Variants in LRP1B observed in about 807,000 individuals in gnomAD.
LRP1B encodes the protein LDL receptor related protein 1B.
A neutral mutation model predicts 556.6 loss-of-function variants in LRP1B; 217 were observed. The ratio of observed to expected loss-of-function variants is 0.39; its 90% CI spans 0.35 to 0.44. The LOEUF is 0.44. Ranked by LOEUF, LRP1B falls within the 20% of genes least tolerant of loss-of-function variation. LRP1B has a pLI of 1.00. For synonymous variants in LRP1B, 2,047 were observed against 1,865.8 expected (o/e 1.10, Z -2.50); for missense variants, 5,053 against 5,620.8 (o/e 0.90, Z 3.23).
intron 43 of LRP1B, among the ~76,000 whole-genome samples, chr2:140,553,422 AACACACACACAC>A (rs61540618): frequency 5.4e-5 from 8 of 148,202 alleles, no homozygotes; most frequent in African/African-American, 2.0e-4. Context: ...TTGTGCTCTT[AACACACACACAC>A]ACACACACAC....
At chr2:140,398,968 T>G (rs1043832283) in intron 66 of LRP1B, among the ~76,000 whole-genome samples, 6 of 152,094 alleles carry the variant, frequency 3.9e-5, no homozygotes, top group Non-Finnish European at 7.4e-5. Context: ...CTCCTCCAAA[T>G]CATTTTTCCA....
chr2:141,195,017 C>A (rs1681693389), intron 6 of LRP1B, among the ~76,000 whole-genome samples: 1 of 152,086 alleles, frequency 6.6e-6, no homozygotes, highest in Admixed American at 6.6e-5. Context: ...CCCACAAATT[C>A]TTTGATACTC....
At chr2:141,453,578 T>C (rs1681505711) in intron 3 of LRP1B, among the ~76,000 whole-genome samples, 1 of 152,214 alleles carries the variant, frequency 6.6e-6, no homozygotes, top group African/African-American at 2.4e-5. Flanking sequence ...TGTTATACCG[T>C]CTTATGAAAA....
chr2:140,962,090 G>T (rs2105316315), intron 18 of LRP1B, among the ~76,000 whole-genome samples: 1 of 152,290 alleles, frequency 6.6e-6, no homozygotes, highest in Admixed American at 6.5e-5. Flanking sequence ...AATAGAAATT[G>T]AATAGAGAAT....
intron 7 of LRP1B, among the ~76,000 whole-genome samples, chr2:141,148,521 G>A (rs79093451): frequency 0.051 from 7,738 of 152,184 alleles, 285 homozygotes; most frequent in South Asian, 0.11. Context: ...CAGCATGCTG[G>A]TAATCCACTT....
At chr2:141,561,361 T>C (rs1686141694) in intron 2 of LRP1B, among the ~76,000 whole-genome samples, 1 of 151,798 alleles carries the variant, frequency 6.6e-6, no homozygotes, top group Admixed American at 6.6e-5. Context: ...CAGAGAAAGG[T>C]CTGGGCCTAT....
chr2:140,771,142 C>T (rs748698368), intron 33 of LRP1B, 136 bp from the exon 34 acceptor site: 67 of 576,282 alleles, frequency 1.2e-4, no homozygotes, highest in Admixed American at 1.6e-4. Context: ...TTAAAGATTA[C>T]GCTTTATTCT....
chr2:140,720,690 T>C (rs902929164), intron 35 of LRP1B, among the ~76,000 whole-genome samples: 1 of 152,146 alleles, frequency 6.6e-6, no homozygotes, highest in Non-Finnish European at 1.5e-5. Context: ...TGTATTCTTA[T>C]GATTAATTAA....
chr2:140,568,064 A>T (rs1487543580), intron 43 of LRP1B, among the ~76,000 whole-genome samples: 1 of 152,144 alleles, frequency 6.6e-6, no homozygotes, highest in Non-Finnish European at 1.5e-5. Context: ...GACACAAGAA[A>T]CAAAAAAAAG....
chr2:141,807,769 G>T (rs1459570711), intron 2 of LRP1B, among the ~76,000 whole-genome samples: 1 of 152,048 alleles, frequency 6.6e-6, no homozygotes, highest in Non-Finnish European at 1.5e-5. Flanking sequence ...TATGGGCAGG[G>T]TGGCTATTCA....
intron 21 of LRP1B, among the ~76,000 whole-genome samples, chr2:140,910,270 T>C (rs1428597575): frequency 6.6e-6 from 1 of 151,802 alleles, no homozygotes; most frequent in Non-Finnish European, 1.5e-5. Context: ...GTATATGGAT[T>C]TTATATATGA....
chr2:140,793,394 TA>T (rs755162445), intron 32 of LRP1B, among the ~76,000 whole-genome samples: 3 of 151,966 alleles, frequency 2.0e-5, no homozygotes, highest in Non-Finnish European at 4.4e-5. Flanking sequence ...CGCAATATTT[TA>T]AAAACTACTT....
chr2:141,200,182 C>T (rs1681945290), intron 6 of LRP1B, among the ~76,000 whole-genome samples: 1 of 152,102 alleles, frequency 6.6e-6, no homozygotes. Context: ...CCTTAATGCT[C>T]ATCACTGGTA....
chr2:141,282,104 AG>A (rs2105389764), intron 3 of LRP1B, among the ~76,000 whole-genome samples: 1 of 152,202 alleles, frequency 6.6e-6, no homozygotes, highest in Admixed American at 6.5e-5. Context: ...ACCTTGAAAA[AG>A]TAACTGAACC....
intron 7 of LRP1B, among the ~76,000 whole-genome samples, chr2:141,063,632 C>CGTCT (rs55794679): frequency 0.016 from 2,456 of 151,844 alleles, 30 homozygotes; most frequent in Middle Eastern, 0.027. Flanking sequence ...TCTCCCCCTC[C>CGTCT]GTCTCTCTCT....
At chr2:140,917,017 T>G (rs1225436537) in intron 21 of LRP1B, among the ~76,000 whole-genome samples, 4 of 152,106 alleles carry the variant, frequency 2.6e-5, no homozygotes, top group African/African-American at 9.6e-5. Context: ...CTAAGTGTCC[T>G]ATTCTGGCCT....
intron 1 of LRP1B, among the ~76,000 whole-genome samples, chr2:141,891,816 C>T (rs1178794176): frequency 2.6e-5 from 4 of 152,054 alleles, no homozygotes; most frequent in South Asian, 2.1e-4. Context: ...CTCAGTGGAT[C>T]AAACGGAAAA....
Position 142,051,160 on chromosome 2 carries a change from G to T in LRP1B, c.82+79488C>A, listed in dbSNP as rs1421768368. On this transcript the variant is annotated intron_variant, in intron 1 of 90. Transcript: ENST00000389484. ...GGAGTGTGAGGCAGTAACTTCCAAA[G>T]AGTCCAAGTAGTGCCTTTCTAACAG... 2.0e-5 allele frequency among the ~76,000 whole-genome samples: 3 copies of T among 152,022 alleles called. No individual in the cohort carries two copies. The East Asian group carries it at 5.8e-4, about 29-fold the overall frequency.
At chr2:140,369,919 G>C (rs1363107256) in intron 71 of LRP1B, among the ~76,000 whole-genome samples, 2 of 151,940 alleles carry the variant, frequency 1.3e-5, no homozygotes, top group Non-Finnish European at 2.9e-5. Context: ...ATACCAAGAA[G>C]TGTAAAATCT....
Sources: allele counts gnomAD v4.1 joint callset (sites outside exome capture counted in the v4.1 genomes callset), GRCh38; gene constraint gnomAD v4.1.1; transcripts MANE v1.5; gene names NCBI Gene and HGNC (gene_info 2026-07-23, HGNC 2026-07-21).